Variants in ZMYND8 observed in about 807,000 individuals in gnomAD.
ZMYND8 encodes MYND-type zinc finger-containing chromatin reader ZMYND8.
A neutral mutation model predicts 140.8 loss-of-function variants in ZMYND8; 37 were observed. The observed-to-expected ratio is 0.26, with a 90% CI of 0.20 to 0.35. The LOEUF is 0.35. ZMYND8 is among the 10% of genes least tolerant of loss of function. The probability of loss-of-function intolerance (pLI) is 1.00; values close to 1 mark genes in which losing one functional copy is unlikely to be tolerated. For synonymous variants in ZMYND8, 592 were observed against 597.1 expected (o/e 0.99, Z 0.12); for missense variants, 1,068 against 1,570.0 (o/e 0.68, Z 5.40).
chr20:47,281,553 C>A (rs971733813), intron 10 of ZMYND8, among the ~76,000 whole-genome samples: 2 of 152,150 alleles, frequency 1.3e-5, no homozygotes, highest in African/African-American at 4.8e-5. Context: ...ATAATTCACT[C>A]TGCCGTGTAC....
chr20:47,280,561 C>T (rs2076544406), intron 10 of ZMYND8, among the ~76,000 whole-genome samples: 1 of 152,124 alleles, frequency 6.6e-6, no homozygotes, highest in African/African-American at 2.4e-5. Context: ...GAGACTACAG[C>T]CATCAACCAT....
At chr20:47,336,907 C>G (rs565569791) in intron 2 of ZMYND8, among the ~76,000 whole-genome samples, 21 of 152,190 alleles carry the variant, frequency 1.4e-4, no homozygotes, top group Admixed American at 3.3e-4. Flanking sequence ...CCCCCTGCAT[C>G]CCCAGATGCC....
Position 47,236,385 on chromosome 20 carries a change from G to A in ZMYND8, c.2797C>T (p.Leu933=), listed in dbSNP as rs1568945083. The change falls in exon 16 of 23, where the codon CTG becomes TTG. Residue 933 remains leucine (L), a synonymous_variant. Coordinates refer to ENST00000471951, the MANE Select transcript of ZMYND8 (RefSeq NM_001281775.3). ...STLVSSVNAD[L]PIATASADVA... ...TCAGCTGAGGCAGTGGCGATGGGCA[G>A]GTCAGCGTTGACTGAGGACACAAGG... The A allele has an allele frequency of 1.2e-6, 2 of 1,614,194 alleles. No homozygotes were observed. Among genetic ancestry groups the A allele is most frequent in the Non-Finnish European group, 8.5e-7 (1 of 1,180,028 alleles).
chr20:47,270,497 T>C (rs16992479), intron 11 of ZMYND8, among the ~76,000 whole-genome samples: 4,069 of 151,302 alleles, frequency 0.027, 118 homozygotes, highest in African/African-American at 0.074. Flanking sequence ...AGGTGATCCA[T>C]GAACCAAGGA....
intron 11 of ZMYND8, among the ~76,000 whole-genome samples, chr20:47,271,986 A>G (rs2147736710): frequency 6.7e-6 from 1 of 150,184 alleles, no homozygotes; most frequent in Middle Eastern, 3.4e-3. Flanking sequence ...CCCAGCCATC[A>G]GTGACTTTAA....
At chr20:47,353,205 C>G (rs991458298) in intron 1 of ZMYND8, 2 of 152,166 alleles carry the variant, frequency 1.3e-5, no homozygotes, top group Non-Finnish European at 1.5e-5. Context: ...GTGTCTCCCC[C>G]CTCATCCTAT....
At chr20:47,306,610 G>A (rs556296366) in intron 3 of ZMYND8, among the ~76,000 whole-genome samples, 173 of 140,404 alleles carry the variant, frequency 1.2e-3, no homozygotes, top group African/African-American at 4.6e-3. Flanking sequence ...TCACTCTGTC[G>A]CTCAGGCTGC....
At position 47,220,275 on chromosome 20, in the gene ZMYND8, C is replaced by G; in HGVS notation, c.3467G>C (p.Gly1156Ala). Residue 1156 changes from glycine to alanine, a missense_variant, in exon 21 of 23, where the codon GGC becomes GCC. Gly to Ala is a moderately conservative substitution (Grantham distance 60). Transcript: ENST00000471951. ...CAACATACCAGAGCCTTGGTTGGAG[C>G]CTAAGAGAATGGAGGAGGGCGTCTC... ...SRETPSSILL[G>A]SNQGSVSKRC... 1 of 1,563,886 alleles carries G rather than the reference C, an allele frequency of 6.4e-7. No homozygotes were observed. Among genetic ancestry groups the G allele is most frequent in the East Asian group, 2.4e-5 (1 of 42,042 alleles).
intron 11 of ZMYND8, 100 bp downstream of exon 11, chr20:47,276,212 ACG>A: frequency 7.1e-7 from 1 of 1,406,580 alleles, no homozygotes; most frequent in South Asian, 1.9e-5. Flanking sequence ...ACAGTTCCCC[ACG>A]ATTGCTTGAT....
At chr20:47,274,711 G>C (rs1485323061) in intron 11 of ZMYND8, among the ~76,000 whole-genome samples, 1 of 152,168 alleles carries the variant, frequency 6.6e-6, no homozygotes, top group East Asian at 1.9e-4. Context: ...ATCAGAACTA[G>C]AGAAAGATAT....
intron 2 of ZMYND8, chr20:47,319,367 T>A: frequency 3.9e-6 from 1 of 254,528 alleles, no homozygotes; most frequent in African/African-American, 2.2e-5. Context: ...GGTGACAATA[T>A]CAGAAGGGAG....
At chr20:47,218,133 A>G (rs974332279) in intron 21 of ZMYND8, among the ~76,000 whole-genome samples, 1 of 152,210 alleles carries the variant, frequency 6.6e-6, no homozygotes, top group African/African-American at 2.4e-5. Flanking sequence ...ATGGCCCTCT[A>G]TGGAAAAAGT....
chr20:47,300,884 T>TTGTGTGTGTGTGTGTGTGTG (rs200833449), intron 3 of ZMYND8, among the ~76,000 whole-genome samples: 2 of 130,296 alleles, frequency 1.5e-5, no homozygotes, highest in Admixed American at 7.8e-5. Flanking sequence ...ACAACTAATT[T>TTGTGTGTGTGTGTGTGTGTG]TGTGTGTGTG....
intron 21 of ZMYND8, among the ~76,000 whole-genome samples, chr20:47,216,877 G>A (rs1013940538): frequency 6.6e-6 from 1 of 152,134 alleles, no homozygotes; most frequent in Non-Finnish European, 1.5e-5. Context: ...AAAACATATT[G>A]GGAAGACGAT....
At chr20:47,294,073 C>T (rs975958284) in intron 5 of ZMYND8, among the ~76,000 whole-genome samples, 12 of 152,082 alleles carry the variant, frequency 7.9e-5, no homozygotes, top group Non-Finnish European at 1.8e-4. Context: ...TCTGGCGAGC[C>T]ACAGTGGCTC....
At chr20:47,346,607 T>C (rs1431281356) in intron 2 of ZMYND8, among the ~76,000 whole-genome samples, 1 of 151,526 alleles carries the variant, frequency 6.6e-6, no homozygotes, top group African/African-American at 2.4e-5. Context: ...CAAAATGACA[T>C]ACTGTCTTTT....
intron 1 of ZMYND8, chr20:47,356,279 A>C: frequency 2.0e-6 from 2 of 987,336 alleles, no homozygotes; most frequent in Non-Finnish European, 2.5e-6. Context: ...CAGGGGTGGG[A>C]GGGGGGGAAC....
At chr20:47,210,953 C>T in intron 22 of ZMYND8, 56 bp from the exon 23 acceptor site, 1 of 1,587,688 alleles carries the variant, frequency 6.3e-7, no homozygotes, top group Non-Finnish European at 8.6e-7. Context: ...CTGAGCACAA[C>T]TATCCTGCAA....
Position 47,221,499 on chromosome 20 carries a change from C to T in ZMYND8, c.3257-25G>A, listed in dbSNP as rs375616885. On this transcript the variant is annotated intron_variant, in intron 19 of 22. Transcript: ENST00000471951. ...GCTGGGGACAAAGGAGAGAGAGAGA[C>T]GCCACATATACACAGAGTACGATGA... is the stretch of plus-strand genomic sequence containing the variant. 77 of 1,610,662 alleles carry T rather than the reference C, an allele frequency of 4.8e-5. No homozygotes were observed. In the Middle Eastern group the frequency reaches 5.0e-4, roughly 10 times the overall value.
Sources: allele counts gnomAD v4.1 joint callset (sites outside exome capture counted in the v4.1 genomes callset), GRCh38; gene constraint gnomAD v4.1.1; transcripts MANE v1.5; gene names NCBI Gene and HGNC (gene_info 2026-07-23, HGNC 2026-07-21).